The following RPS6KC1 variants were observed in gnomAD, a reference collection of about 807,000 sequenced individuals.
RPS6KC1 encodes the protein inactive ribosomal protein S6 kinase delta-1.
Under a neutral mutation model 103.8 loss-of-function variants are expected in RPS6KC1, and 54 were observed. The observed-to-expected ratio is 0.52, with a 90% CI of 0.42 to 0.65. The LOEUF is 0.65. Ranked by LOEUF, RPS6KC1 falls within the 30% of genes least tolerant of loss-of-function variation. RPS6KC1 has a pLI of 0.00. For synonymous variants in RPS6KC1, 439 were observed against 438.7 expected (o/e 1.00, Z -0.01); for missense variants, 1,151 against 1,253.8 (o/e 0.92, Z 1.24).
chr1:213,149,652 A>G (rs1205038545), intron 6 of RPS6KC1, among the ~76,000 whole-genome samples: 2 of 152,232 alleles, frequency 1.3e-5, no homozygotes, highest in East Asian at 1.9e-4. Context: ...GTAAATATCT[A>G]TTAGATCCAT....
chr1:213,799,196 A>G, the RPS6KC1 span, among the ~76,000 whole-genome samples: 718 of 152,338 alleles, frequency 4.7e-3, 2 homozygotes, highest in Middle Eastern at 0.054. Flanking sequence ...TCATTTTAAG[A>G]AGACCTGTGT....
chr1:213,435,638 A>C, the RPS6KC1 span, among the ~76,000 whole-genome samples: 1 of 152,214 alleles, frequency 6.6e-6, no homozygotes, highest in Non-Finnish European at 1.5e-5. Context: ...CCTGTGAATT[A>C]TGAGGTTTTC....
chr1:213,083,407 G>T (rs574772469), intron 3 of RPS6KC1, among the ~76,000 whole-genome samples: 1 of 152,244 alleles, frequency 6.6e-6, no homozygotes, highest in African/African-American at 2.4e-5. Context: ...TTTGGGGCTC[G>T]CATTTACTCC....
chr1:213,447,515 T>C, the RPS6KC1 span, among the ~76,000 whole-genome samples: 1 of 152,226 alleles, frequency 6.6e-6, no homozygotes, highest in Non-Finnish European at 1.5e-5. Context: ...TTTTACATGA[T>C]TTTCCCAGCA....
the RPS6KC1 span, among the ~76,000 whole-genome samples, chr1:213,560,542 T>A: frequency 6.6e-6 from 1 of 152,148 alleles, no homozygotes. Context: ...ACAACCTGTG[T>A]AAGTGTGAAA....
At chr1:213,615,496 G>A in the RPS6KC1 span, among the ~76,000 whole-genome samples, 7 of 152,256 alleles carry the variant, frequency 4.6e-5, no homozygotes, top group African/African-American at 7.2e-5. Context: ...TCCTCTGCCC[G>A]ACATGCCTTC....
the RPS6KC1 span, among the ~76,000 whole-genome samples, chr1:213,598,441 G>A: frequency 6.6e-6 from 1 of 152,034 alleles, no homozygotes; most frequent in Admixed American, 6.6e-5. Context: ...TATGTGACCT[G>A]GGAAAAGTTA....
chr1:213,382,533 CTTT>C, the RPS6KC1 span, among the ~76,000 whole-genome samples: 238 of 134,326 alleles, frequency 1.8e-3, no homozygotes, highest in East Asian at 3.3e-3. Context: ...TTCACTCCAT[CTTT>C]TTTTTTTTTT....
chr1:213,399,842 C>T, the RPS6KC1 span, among the ~76,000 whole-genome samples: 4 of 152,150 alleles, frequency 2.6e-5, no homozygotes, highest in Non-Finnish European at 5.9e-5. Context: ...TTTTCAGGCC[C>T]TCTACCTTTG....
At chr1:213,256,460 C>T (rs1352965567) in intron 12 of RPS6KC1, among the ~76,000 whole-genome samples, 3 of 151,956 alleles carry the variant, frequency 2.0e-5, no homozygotes, top group South Asian at 4.2e-4. Flanking sequence ...CTTGTGGCTT[C>T]CCTGGGCCAC....
chr1:213,736,476 C>G, the RPS6KC1 span, among the ~76,000 whole-genome samples: 3 of 152,182 alleles, frequency 2.0e-5, no homozygotes, highest in South Asian at 4.1e-4. Context: ...TTATGCCAAG[C>G]CTTCAAGAAG....
chr1:213,661,565 G>C, the RPS6KC1 span, among the ~76,000 whole-genome samples: 4 of 152,202 alleles, frequency 2.6e-5, no homozygotes, highest in African/African-American at 9.7e-5. Flanking sequence ...AGTCAGAGGC[G>C]GGGGAGGAGT....
At chr1:213,390,989 C>T in the RPS6KC1 span, among the ~76,000 whole-genome samples, 495 of 152,014 alleles carry the variant, frequency 3.3e-3, 4 homozygotes, top group African/African-American at 0.01. Context: ...TATGTGATAC[C>T]GATGTATATG....
the RPS6KC1 span, among the ~76,000 whole-genome samples, chr1:213,686,590 A>C: frequency 6.6e-6 from 1 of 152,206 alleles, no homozygotes; most frequent in Non-Finnish European, 1.5e-5. Flanking sequence ...TAGACCCCAT[A>C]AATGAGCATA....
At chr1:213,556,380 A>G in the RPS6KC1 span, among the ~76,000 whole-genome samples, 1 of 152,228 alleles carries the variant, frequency 6.6e-6, no homozygotes, top group Non-Finnish European at 1.5e-5. Context: ...ACAATAGTAC[A>G]TTATTTAAGT....
the RPS6KC1 span, among the ~76,000 whole-genome samples, chr1:213,336,408 T>C: frequency 2.0e-5 from 3 of 152,204 alleles, no homozygotes; most frequent in African/African-American, 7.2e-5. Context: ...AATCCCTCTA[T>C]ATCACCTAGA....
the RPS6KC1 span, among the ~76,000 whole-genome samples, chr1:213,332,356 C>T: frequency 1.3e-5 from 2 of 152,274 alleles, no homozygotes; most frequent in South Asian, 2.1e-4. Flanking sequence ...TTTAAAATAC[C>T]TTTTCTGCAC....
At chr1:213,356,385 G>A in the RPS6KC1 span, among the ~76,000 whole-genome samples, 44 of 151,930 alleles carry the variant, frequency 2.9e-4, no homozygotes, top group Admixed American at 2.8e-3. Flanking sequence ...GCCAGGTGTG[G>A]TGGCTCACGC....
chr1:213,082,409 C>T (rs1393617745), intron 3 of RPS6KC1, among the ~76,000 whole-genome samples: 1 of 151,756 alleles, frequency 6.6e-6, no homozygotes, highest in Admixed American at 6.6e-5. Flanking sequence ...CTAGCCTGGG[C>T]GACAGAGCGA....
Sources: allele counts gnomAD v4.1 joint callset (sites outside exome capture counted in the v4.1 genomes callset), GRCh38; gene constraint gnomAD v4.1.1; transcripts MANE v1.5; gene names NCBI Gene and HGNC (gene_info 2026-07-23, HGNC 2026-07-21).